TMEM163: variants seen among roughly 807,000 people sequenced by gnomAD.
TMEM163 encodes the protein transmembrane protein 163.
A neutral mutation model predicts 29.3 loss-of-function variants in TMEM163; 17 were observed. The observed-to-expected ratio is 0.58, with a 90% CI of 0.40 to 0.87. The LOEUF (loss-of-function observed/expected upper bound fraction) is 0.87. TMEM163 is among the 40% of genes least tolerant of loss of function. The pLI is 0.00. For synonymous variants in TMEM163, 157 were observed against 160.6 expected, an observed-to-expected ratio of 0.98 and a Z score of 0.17; for missense variants, 303 against 381.5, an observed-to-expected ratio of 0.79 and a Z score of 1.71.
intron 2 of TMEM163, among the ~76,000 whole-genome samples, chr2:134,653,883 CTA>C (rs1683539792): frequency 7.9e-6 from 1 of 126,386 alleles, no homozygotes; most frequent in Non-Finnish European, 1.6e-5. Context: ...ATCCTGAGTT[CTA>C]GTTTGATTGC....
At chr2:134,544,387 T>C (rs1050638719) in intron 4 of TMEM163, among the ~76,000 whole-genome samples, 5 of 152,220 alleles carry the variant, frequency 3.3e-5, no homozygotes, top group Non-Finnish European at 7.3e-5. Context: ...TTTAAAGAAC[T>C]TTCATCTGTT....
chr2:134,704,139 C>G (rs1037823612), intron 2 of TMEM163, among the ~76,000 whole-genome samples: 5 of 152,160 alleles, frequency 3.3e-5, no homozygotes, highest in Non-Finnish European at 5.9e-5. Flanking sequence ...CAAAGTTCTT[C>G]TGCACCTGCT....
intron 2 of TMEM163, among the ~76,000 whole-genome samples, chr2:134,698,632 C>T (rs960218805): frequency 2.2e-4 from 34 of 151,342 alleles, no homozygotes; most frequent in African/African-American, 7.8e-4. Context: ...TGTTTCTTAT[C>T]TTCTTGTTTT....
Position 134,488,673 on chromosome 2 carries a change from A to G in TMEM163, c.555+14228T>C, listed in dbSNP as rs76450846. On this transcript the variant is annotated intron_variant, in intron 5 of 7. Coordinates refer to ENST00000281924, the MANE Select transcript of TMEM163 (RefSeq NM_030923.5). ...AATACTCCTTAACAGACTCATTTTCATATACACACATATCCTATTAGTTCT... is the reference window on the plus strand; with the variant it reads ...AATACTCCTTAACAGACTCATTTTCGTATACACACATATCCTATTAGTTCT... Among the ~76,000 whole-genome samples, 508 of 152,314 alleles carry G rather than the reference A, an allele frequency of 3.3e-3. 3 individuals carry two copies. Among genetic ancestry groups the G allele is most frequent in the South Asian group, 0.02 (95 of 4,830 alleles).
chr2:134,593,039 T>C (rs1232685878), intron 2 of TMEM163, among the ~76,000 whole-genome samples: 1 of 152,188 alleles, frequency 6.6e-6, no homozygotes, highest in Non-Finnish European at 1.5e-5. Flanking sequence ...GAATACAAGA[T>C]AAGGCATTTT....
chr2:134,545,688 T>C (rs1037065684), intron 4 of TMEM163, among the ~76,000 whole-genome samples: 5 of 152,132 alleles, frequency 3.3e-5, no homozygotes, highest in Non-Finnish European at 7.4e-5. Context: ...TGCCAACACC[T>C]GGCCTCACCC....
At chr2:134,611,503 A>G (rs1001673103) in intron 2 of TMEM163, among the ~76,000 whole-genome samples, 2 of 152,220 alleles carry the variant, frequency 1.3e-5, no homozygotes, top group Non-Finnish European at 2.9e-5. Context: ...GTTGGAAAGT[A>G]TGATCTCACC....
At chr2:134,468,601 C>G (rs1283206359) in intron 5 of TMEM163, 2 of 152,276 alleles carry the variant, frequency 1.3e-5, no homozygotes, top group Admixed American at 6.5e-5. Context: ...GATTTGGAGA[C>G]TGAATACTCA....
intron 4 of TMEM163, among the ~76,000 whole-genome samples, chr2:134,538,527 T>C (rs1002443497): frequency 6.6e-6 from 1 of 152,164 alleles, no homozygotes; most frequent in Non-Finnish European, 1.5e-5. Context: ...AGCAGCATCC[T>C]TGATAATAGC....
intron 4 of TMEM163, among the ~76,000 whole-genome samples, chr2:134,523,472 A>T (rs1439959839): frequency 6.6e-6 from 1 of 152,214 alleles, no homozygotes; most frequent in Non-Finnish European, 1.5e-5. Flanking sequence ...TTTAGAAAAA[A>T]TGCTTAAAAA....
At chr2:134,643,088 G>A (rs577713740) in intron 2 of TMEM163, among the ~76,000 whole-genome samples, 1 of 152,048 alleles carries the variant, frequency 6.6e-6, no homozygotes, top group South Asian at 2.1e-4. Flanking sequence ...AAAGAAATAC[G>A]TAAACCTCTA....
intron 2 of TMEM163, among the ~76,000 whole-genome samples, chr2:134,671,464 A>G (rs931067885): frequency 2.0e-5 from 3 of 152,046 alleles, no homozygotes; most frequent in East Asian, 1.9e-4. Flanking sequence ...GCCTGGCTCT[A>G]CAGGAACACT....
intron 2 of TMEM163, among the ~76,000 whole-genome samples, chr2:134,578,975 C>T (rs1002008692): frequency 4.6e-5 from 7 of 152,084 alleles, no homozygotes; most frequent in African/African-American, 1.4e-4. Context: ...ATGGAGAGAG[C>T]GATCACAAAA....
intron 2 of TMEM163, among the ~76,000 whole-genome samples, chr2:134,611,278 C>T (rs561835222): frequency 2.2e-4 from 33 of 152,238 alleles, no homozygotes; most frequent in Middle Eastern, 6.8e-3. Context: ...TGAATAGATA[C>T]TCAGTTTTCA....
intron 2 of TMEM163, among the ~76,000 whole-genome samples, chr2:134,571,322 G>A (rs937090724): frequency 9.9e-5 from 15 of 152,238 alleles, no homozygotes; most frequent in Middle Eastern, 3.4e-3. Flanking sequence ...AATCAAAAGC[G>A]TTTATCTAAT....
At position 134,628,990 on chromosome 2, in the gene TMEM163, G is replaced by A. The variant is rs148611839; in HGVS notation, c.323-76899C>T. Among the ~76,000 whole-genome samples the A allele has an allele frequency of 1.9e-3, 294 of 152,294 alleles. 3 individuals carry two copies. The highest frequency in any genetic ancestry group is 0.013 in the East Asian group (69 of 5,178). On this transcript the variant is annotated intron_variant, in intron 2 of 7. Coordinates refer to ENST00000281924, the MANE Select transcript of TMEM163 (RefSeq NM_030923.5). The stretch of plus-strand genomic sequence containing the variant: ...GCATATGCTCATCATAGATGCCTAC[G>A]ATATACTGTTAGATGATCAGCTAGT...
chr2:134,655,374 C>A (rs1231198803), intron 2 of TMEM163, among the ~76,000 whole-genome samples: 3 of 109,548 alleles, frequency 2.7e-5, no homozygotes, highest in Non-Finnish European at 5.4e-5. Flanking sequence ...TCACGTAGTT[C>A]TCGAGCCTTG....
chr2:134,517,244 A>G (rs923020864), intron 4 of TMEM163, among the ~76,000 whole-genome samples: 57 of 152,160 alleles, frequency 3.7e-4, no homozygotes, highest in African/African-American at 1.4e-3. Context: ...GTGGGTAAGC[A>G]TGTGAGGCTT....
rs1235724484 is a variant in TMEM163 at position 134,581,704 on chromosome 2, G to A, written c.323-29613C>T. On this transcript the variant is annotated intron_variant, in intron 2 of 7. Coordinates refer to ENST00000281924, the MANE Select transcript of TMEM163 (RefSeq NM_030923.5). ...AAAGTCAAGTCAGCTCATTTTGAGGGGAGGATCTCCTACCTTTAGTTTCCC... is the reference window on the plus strand; with the variant it reads ...AAAGTCAAGTCAGCTCATTTTGAGGAGAGGATCTCCTACCTTTAGTTTCCC... Among the ~76,000 whole-genome samples the A allele has an allele frequency of 2.3e-4, 35 of 152,138 alleles. 1 individual carries two copies. Among genetic ancestry groups the A allele is most frequent in the Admixed American group, 2.3e-3 (35 of 15,274 alleles).
Sources: allele counts gnomAD v4.1 joint callset (sites outside exome capture counted in the v4.1 genomes callset), GRCh38; gene constraint gnomAD v4.1.1; transcripts MANE v1.5; gene names NCBI Gene and HGNC (gene_info 2026-07-23, HGNC 2026-07-21).